DLGAP2: variants seen among roughly 807,000 people sequenced by gnomAD.
DLGAP2 encodes disks large-associated protein 2.
In DLGAP2, 26 loss-of-function variants were observed where a neutral mutation model predicts 100.3. That is an observed-to-expected ratio of 0.26 (90% CI 0.19 to 0.36). DLGAP2 has a LOEUF of 0.36. DLGAP2 is among the 10% of genes least tolerant of loss of function. The pLI, the probability that DLGAP2 is intolerant of heterozygous loss-of-function variation, is 1.00. For missense variants in DLGAP2, 1,858 were observed against 1,453.2 expected (o/e 1.28, Z -4.53); for synonymous variants, 886 against 630.1 (o/e 1.41, Z -6.08).
chr8:1,292,389 T>G (rs1800077815), intron 3 of DLGAP2, among the ~76,000 whole-genome samples: 1 of 152,174 alleles, frequency 6.6e-6, no homozygotes, highest in Non-Finnish European at 1.5e-5. Context: ...ATCCTGCCAG[T>G]CAGGGAGAGC....
At position 1,453,357 on chromosome 8, in the gene DLGAP2, G is replaced by A. The variant is rs11136392; in HGVS notation, c.107-48009G>A. On this transcript the variant is annotated intron_variant, in intron 3 of 14. Coordinates refer to ENST00000637795, the MANE Select transcript of DLGAP2 (RefSeq NM_001346810.2). ...TCCTTCATCATATTTATCTTCTTGA[G>A]TACTTTCACAAGTGTCTGAGAAAGA... is the stretch of plus-strand genomic sequence containing the variant. Among the ~76,000 whole-genome samples the A allele has an allele frequency of 1.5e-3, 226 of 152,144 alleles. No individual in the cohort carries two copies. The East Asian group carries it at 0.029, about 19-fold the overall frequency.
chr8:1,630,569 G>T (rs1158013603), intron 7 of DLGAP2, among the ~76,000 whole-genome samples: 1 of 152,080 alleles, frequency 6.6e-6, no homozygotes, highest in Non-Finnish European at 1.5e-5. Context: ...GGGCATGGTA[G>T]CGGGCACCTG....
intron 6 of DLGAP2, among the ~76,000 whole-genome samples, chr8:1,596,540 T>C (rs934075197): frequency 6.6e-6 from 1 of 152,208 alleles, no homozygotes; most frequent in Non-Finnish European, 1.5e-5. Flanking sequence ...ATCTGTTGTT[T>C]CCTGGCTTTT....
intron 2 of DLGAP2, among the ~76,000 whole-genome samples, chr8:980,905 G>C (rs996083931): frequency 5.9e-5 from 9 of 152,132 alleles, no homozygotes; most frequent in African/African-American, 1.4e-4. Flanking sequence ...TGAGACATTC[G>C]TGTGATAGTG....
intron 1 of DLGAP2, among the ~76,000 whole-genome samples, chr8:808,961 C>T (rs964878728): frequency 1.4e-5 from 2 of 144,076 alleles, no homozygotes; most frequent in African/African-American, 5.2e-5. Flanking sequence ...GGCTGAAGTG[C>T]AGTAGTATGA....
intron 1 of DLGAP2, among the ~76,000 whole-genome samples, chr8:845,523 T>C (rs970643416): frequency 5.9e-5 from 9 of 152,206 alleles, no homozygotes; most frequent in Non-Finnish European, 8.8e-5. Context: ...TTGTCTATTA[T>C]TGGATAGTGA....
At chr8:1,579,394 G>A (rs1283083747) in intron 6 of DLGAP2, among the ~76,000 whole-genome samples, 1 of 151,982 alleles carries the variant, frequency 6.6e-6, no homozygotes, top group Non-Finnish European at 1.5e-5. Context: ...AGACGTATCT[G>A]GGCATGATTC....
chr8:1,332,144 T>G (rs1438829297), intron 3 of DLGAP2, among the ~76,000 whole-genome samples: 2 of 152,132 alleles, frequency 1.3e-5, no homozygotes, highest in Non-Finnish European at 2.9e-5. Context: ...GGTGTAGAAA[T>G]GGGGGTGTGT....
intron 2 of DLGAP2, among the ~76,000 whole-genome samples, chr8:1,240,165 T>C (rs1241110671): frequency 6.1e-5 from 9 of 148,398 alleles, no homozygotes; most frequent in Admixed American, 1.3e-4. Context: ...CATAGTGTCA[T>C]GTCTAGTTCT....
Position 1,439,001 on chromosome 8 carries a change from C to G in DLGAP2, c.107-62365C>G, listed in dbSNP as rs147134886. Among the ~76,000 whole-genome samples the G allele has an allele frequency of 1.2e-3, 185 of 152,146 alleles. 1 individual carries two copies. The highest frequency in any genetic ancestry group is 4.2e-3 in the African/African-American group (174 of 41,506). ...TTTATAATAGCTTCTTATGAAGAAACAAAGCTTATGTTTTATGAAGCTTAT... is the reference window on the plus strand; with the variant it reads ...TTTATAATAGCTTCTTATGAAGAAAGAAAGCTTATGTTTTATGAAGCTTAT... On this transcript the variant is annotated intron_variant, in intron 3 of 14. Coordinates refer to ENST00000637795, the MANE Select transcript of DLGAP2 (RefSeq NM_001346810.2).
At position 880,803 on chromosome 8, in the gene DLGAP2, C is replaced by T. The variant is rs1325043104; in HGVS notation, c.19-27109C>T. On this transcript the variant is annotated intron_variant, in intron 1 of 14. Transcript: ENST00000637795. ...CATCCCCCACTTGCCACTGTAACTCCTGCTCGTTCATGGACTCAACGCAGA... is the reference window on the plus strand; with the variant it reads ...CATCCCCCACTTGCCACTGTAACTCTTGCTCGTTCATGGACTCAACGCAGA... Among the ~76,000 whole-genome samples the T allele has an allele frequency of 3.3e-5, 5 of 152,248 alleles. No individual in the cohort carries two copies. The East Asian group carries it at 9.6e-4, about 29-fold the overall frequency.
intron 2 of DLGAP2, among the ~76,000 whole-genome samples, chr8:1,105,618 GTT>G (rs36027314): frequency 1.4e-3 from 203 of 140,164 alleles, no homozygotes; most frequent in Non-Finnish European, 1.3e-3. Context: ...CCATTCTAGG[GTT>G]TTTTTTTTTT....
chr8:1,210,450 G>A (rs73540180), intron 2 of DLGAP2, among the ~76,000 whole-genome samples: 1 of 152,200 alleles, frequency 6.6e-6, no homozygotes, highest in African/African-American at 2.4e-5. Context: ...TTCAAGAGCA[G>A]CAGGAGTGTG....
chr8:1,096,629 C>A (rs1453660120), intron 2 of DLGAP2, among the ~76,000 whole-genome samples: 1 of 151,514 alleles, frequency 6.6e-6, no homozygotes, highest in Non-Finnish European at 1.5e-5. Flanking sequence ...CAGCGTGAGA[C>A]CCACCTCCCT....
intron 3 of DLGAP2, among the ~76,000 whole-genome samples, chr8:1,281,271 G>T (rs1022374071): frequency 6.6e-6 from 1 of 152,174 alleles, no homozygotes; most frequent in African/African-American, 2.4e-5. Context: ...TTTGAGCCAC[G>T]TGCCACATTG....
At chr8:1,470,088 G>A (rs1228894221) in intron 3 of DLGAP2, among the ~76,000 whole-genome samples, 3 of 152,158 alleles carry the variant, frequency 2.0e-5, no homozygotes, top group Admixed American at 1.3e-4. Flanking sequence ...CTTGAGCCCA[G>A]GAGGTCAAGG....
intron 3 of DLGAP2, among the ~76,000 whole-genome samples, chr8:1,487,673 G>A (rs774958823): frequency 6.6e-6 from 1 of 152,194 alleles, no homozygotes; most frequent in Non-Finnish European, 1.5e-5. Flanking sequence ...GGAATCGTCT[G>A]TTCATATGTG....
chr8:755,198 C>A (rs1311120828), intron 1 of DLGAP2, among the ~76,000 whole-genome samples: 1 of 152,102 alleles, frequency 6.6e-6, no homozygotes, highest in African/African-American at 2.4e-5. Flanking sequence ...TATTAAGTAT[C>A]CTGTAATCCT....
Position 1,467,401 on chromosome 8 carries a change from C to T in DLGAP2, c.107-33965C>T, listed in dbSNP as rs184815643. Among the ~76,000 whole-genome samples the T allele has an allele frequency of 3.3e-3, 503 of 151,414 alleles. 2 individuals are homozygous for T. Among genetic ancestry groups the T allele is most frequent in the Non-Finnish European group, 5.9e-3 (399 of 67,734 alleles). ...CCCCCAGAGCTCTGCCTTCTACCTC[C>T]TCAGGACACCTCCCAGGAGCTCCAG... On this transcript the variant is annotated intron_variant, in intron 3 of 14. Transcript: ENST00000637795.
Sources: gnomAD v4.1 joint callset for allele counts (sites outside exome capture counted in the v4.1 genomes callset) on GRCh38, gnomAD v4.1.1 for gene constraint, MANE v1.5 for transcripts, NCBI Gene and HGNC (gene_info 2026-07-23, HGNC 2026-07-21) for gene names.